Variants in ZCCHC14 observed in about 807,000 individuals in gnomAD.
ZCCHC14 encodes the protein zinc finger CCHC domain-containing protein 14.
Under a neutral mutation model 85.0 loss-of-function variants are expected in ZCCHC14, and 16 were observed. The ratio of observed to expected loss-of-function variants is 0.19; its 90% CI spans 0.13 to 0.29. The LOEUF is 0.29. ZCCHC14 is among the 10% of genes least tolerant of loss of function. ZCCHC14 has a pLI of 1.00. For synonymous variants in ZCCHC14, 775 were observed against 630.7 expected (o/e 1.23, Z -3.43); for missense variants, 1,303 against 1,443.5 (o/e 0.90, Z 1.58).
chr16:87,410,159 AAAAGT>A lies in ZCCHC14; in HGVS notation c.*116_*120del. The A allele has an allele frequency of 3.6e-6, 2 of 561,564 alleles. No individual in the cohort carries two copies. Among genetic ancestry groups the A allele is most frequent in the East Asian group, 3.0e-5 (1 of 33,368 alleles). The allele number at this position is 561,564 out of a possible 1,614,324, so 34.8% of individuals were successfully genotyped here. A position where few individuals can be genotyped will look rare whatever the true frequency, so the allele number is the denominator to read the frequency against. On this transcript the variant is annotated 3_prime_UTR_variant, in exon 13 of 13. Coordinates refer to ENST00000671377, the MANE Select transcript of ZCCHC14 (RefSeq NM_015144.3). ...CGCTAGATTTTCTATCCAGTCTAGG[AAAAGT>A]AAAGCACCTTTGGATTAAAAAGATT...
chr16:87,492,113 G>A lies in ZCCHC14; in HGVS notation c.126C>T (p.Arg42=). 2 of 1,368,466 alleles carry A rather than the reference G, an allele frequency of 1.5e-6. No individual in the cohort carries two copies. Among genetic ancestry groups the A allele is most frequent in the Non-Finnish European group, 1.9e-6 (2 of 1,066,424 alleles). 84.8% of individuals were successfully genotyped at this position (1,368,466 alleles called of 1,614,324 possible). A position where few individuals can be genotyped will look rare whatever the true frequency, so the allele number is the denominator to read the frequency against. ...LLDLCIPLEL[R]FLGSCLEDLA... ...GGTCCTCCAGGCACGAGCCGAGGAA[G>A]CGAAGCTCGAGCGGGATGCACAGGT... is the stretch of plus-strand genomic sequence containing the variant. The change falls in exon 1 of 13, where the codon CGC becomes CGT. Residue 42 remains arginine (R), a synonymous_variant. Coordinates refer to ENST00000671377, the MANE Select transcript of ZCCHC14 (RefSeq NM_015144.3). The surrounding 1 kb of genome is among the most constrained non-coding windows in gnomAD (Gnocchi z 6.7).
At chr16:87,480,065 G>A (rs535266346) in intron 1 of ZCCHC14, among the ~76,000 whole-genome samples, 53 of 151,974 alleles carry the variant, frequency 3.5e-4, no homozygotes, top group African/African-American at 1.2e-3. Context: ...GTGAGCCAGT[G>A]CACCTGGCCT....
intron 1 of ZCCHC14, among the ~76,000 whole-genome samples, chr16:87,463,819 C>T (rs185680569): frequency 1.3e-5 from 2 of 152,154 alleles, no homozygotes; most frequent in Admixed American, 1.3e-4. Context: ...AGCAAGACTC[C>T]GTCTCAGGAG....
chr16:87,417,979 C>G (rs777536733), intron 7 of ZCCHC14: 2 of 531,674 alleles, frequency 3.8e-6, no homozygotes, highest in Non-Finnish European at 6.6e-6. Context: ...TGCATACAGG[C>G]GGCTGTGCAT....
intron 2 of ZCCHC14, among the ~76,000 whole-genome samples, chr16:87,452,568 A>C (rs1248550103): frequency 1.3e-5 from 2 of 152,186 alleles, no homozygotes; most frequent in Non-Finnish European, 2.9e-5. Context: ...ATTTCAAAGG[A>C]AACAGAGAGG....
intron 4 of ZCCHC14, among the ~76,000 whole-genome samples, chr16:87,423,358 T>C (rs1040992203): frequency 1.2e-4 from 19 of 152,170 alleles, no homozygotes; most frequent in Non-Finnish European, 1.9e-4. Context: ...CAACCCAGCC[T>C]GGGCGAGAGC....
chr16:87,477,145 AAC>A (rs1179352942), intron 1 of ZCCHC14, among the ~76,000 whole-genome samples: 1,609 of 101,414 alleles, frequency 0.016, 281 homozygotes, highest in African/African-American at 0.059. Context: ...AAAAAAACAA[AAC>A]AAAACCAAAA....
At position 87,491,616 on chromosome 16, in the gene ZCCHC14, G is replaced by C; in HGVS notation, c.570+53C>G. 3 of 1,349,852 alleles carry C rather than the reference G, an allele frequency of 2.2e-6. No individual in the cohort carries two copies. The highest frequency in any genetic ancestry group is 1.8e-5 in the South Asian group (1 of 55,758). 83.6% of individuals were successfully genotyped at this position (1,349,852 alleles called of 1,614,324 possible). On this transcript the variant is annotated intron_variant, in intron 1 of 12. Coordinates refer to ENST00000671377, the MANE Select transcript of ZCCHC14 (RefSeq NM_015144.3). This position sits in a 1 kb window ranked among gnomAD's most constrained non-coding sequence, Gnocchi z 5.9. ...GTGCAGGCTGGAGGCTTGGAGTGCA[G>C]AGTTGGGGATGCAGACTTGGGGTAC...
chr16:87,444,236 G>T (rs1050185867), intron 2 of ZCCHC14, among the ~76,000 whole-genome samples: 1 of 152,082 alleles, frequency 6.6e-6, no homozygotes, highest in Non-Finnish European at 1.5e-5. Flanking sequence ...TCAGGGCTAG[G>T]GGAAAGAAAG....
intron 1 of ZCCHC14, among the ~76,000 whole-genome samples, chr16:87,478,856 C>T (rs1436835728): frequency 1.3e-5 from 2 of 152,042 alleles, no homozygotes; most frequent in Admixed American, 6.5e-5. Context: ...CCGCCCGCCT[C>T]GGCCTCCCAA....
At chr16:87,450,567 T>A (rs1910648262) in intron 2 of ZCCHC14, among the ~76,000 whole-genome samples, 1 of 151,026 alleles carries the variant, frequency 6.6e-6, no homozygotes, top group Non-Finnish European at 1.5e-5. Context: ...GATAATAGAT[T>A]CTTTTTTTTT....
Position 87,426,069 on chromosome 16 carries a change from G to C in ZCCHC14, c.769-2188C>G, listed in dbSNP as rs529636458. On this transcript the variant is annotated intron_variant, in intron 3 of 12. Transcript: ENST00000671377. ...CATTCCTCCCTAAGGCTATCAGAAAGTGAGCACTGGAAACAGAGACCGCAC... is the reference window on the plus strand; with the variant it reads ...CATTCCTCCCTAAGGCTATCAGAAACTGAGCACTGGAAACAGAGACCGCAC... Among the ~76,000 whole-genome samples, 6 of 152,330 alleles carry C rather than the reference G, an allele frequency of 3.9e-5. No individual in the cohort carries two copies. The South Asian group carries it at 1.2e-3, about 32-fold the overall frequency.
At chr16:87,440,246 C>T (rs1199208765) in intron 2 of ZCCHC14, among the ~76,000 whole-genome samples, 2 of 152,016 alleles carry the variant, frequency 1.3e-5, no homozygotes, top group African/African-American at 4.8e-5. Flanking sequence ...CTCACTGCAA[C>T]CTCCATCTCC....
At chr16:87,487,862 C>A (rs551591588) in intron 1 of ZCCHC14, among the ~76,000 whole-genome samples, 1 of 152,030 alleles carries the variant, frequency 6.6e-6, no homozygotes, top group African/African-American at 2.4e-5. Flanking sequence ...CATCACGACA[C>A]CGAGTGAAGG....
At position 87,411,968 on chromosome 16, in the gene ZCCHC14, G is replaced by C. The variant is rs1165555798; in HGVS notation, c.2753C>G (p.Pro918Arg). 3 of 1,602,954 alleles carry C rather than the reference G, an allele frequency of 1.9e-6. No individual in the cohort carries two copies. In the South Asian group the frequency reaches 3.3e-5, roughly 18 times the overall value. The change falls in exon 12 of 13, where the codon CCC becomes CGC. Residue 918 changes from proline (P) to arginine (R), a missense_variant. This residue lies in a region of ZCCHC14 where 797 missense variants were observed against 730.8 expected (regional missense o/e 1.09). Transcript: ENST00000671377. ...CGTGCACACAATGCAGCCTGGCGGG[G>C]GTGGGGCGGGCTGCGGGGGTGCCGG... ...QPPAPPQPAP[P>R]PPGCIVCTSC...
At chr16:87,468,295 G>A (rs1911622061) in intron 1 of ZCCHC14, among the ~76,000 whole-genome samples, 1 of 152,026 alleles carries the variant, frequency 6.6e-6, no homozygotes, top group Non-Finnish European at 1.5e-5. Context: ...CAATGGTAAG[G>A]ATTTTATTTA....
chr16:87,441,065 G>A (rs148304795), intron 2 of ZCCHC14, among the ~76,000 whole-genome samples: 4,188 of 150,798 alleles, frequency 0.028, 197 homozygotes, highest in African/African-American at 0.097. Flanking sequence ...GTGCAGCGGC[G>A]CCATCTCGGC....
chr16:87,464,693 A>G (rs1911438601), intron 1 of ZCCHC14, among the ~76,000 whole-genome samples: 1 of 152,234 alleles, frequency 6.6e-6, no homozygotes. Flanking sequence ...ATTTCTTCTT[A>G]GTTTTCCACA....
At chr16:87,456,441 G>C (rs555597272) in intron 2 of ZCCHC14, among the ~76,000 whole-genome samples, 2 of 145,572 alleles carry the variant, frequency 1.4e-5, no homozygotes, top group African/African-American at 5.1e-5. Context: ...GCTGAGGCAA[G>C]AGAATGGCGT....
Sources: allele counts gnomAD v4.1 joint callset (sites outside exome capture counted in the v4.1 genomes callset), GRCh38; gene constraint gnomAD v4.1.1; regional missense constraint gnomAD v4.1.1; non-coding constraint Gnocchi (gnomAD v3.1); transcripts MANE v1.5; gene names NCBI Gene and HGNC (gene_info 2026-07-23, HGNC 2026-07-21).